The following SPTLC1 variants were observed in gnomAD, a reference collection of about 807,000 sequenced individuals.
SPTLC1 encodes serine palmitoyltransferase long chain base subunit 1.
A neutral mutation model predicts 68.9 loss-of-function variants in SPTLC1; 55 were observed. The ratio of observed to expected loss-of-function variants is 0.80; its 90% CI spans 0.64 to 1.00. The LOEUF (loss-of-function observed/expected upper bound fraction) is 1.00, where lower values mean the gene tolerates loss of function less well. SPTLC1 is among the 50% of genes least tolerant of loss of function. The pLI, the probability that SPTLC1 is intolerant of heterozygous loss-of-function variation, is 0.00. For missense variants in SPTLC1, 449 were observed against 573.1 expected (o/e 0.78, Z 2.21); for synonymous variants, 197 against 201.6 (o/e 0.98, Z 0.19).
At chr9:92,038,040 AG>A (rs1359029114) in intron 13 of SPTLC1, among the ~76,000 whole-genome samples, 1 of 152,220 alleles carries the variant, frequency 6.6e-6, no homozygotes, top group Non-Finnish European at 1.5e-5. Context: ...ACCCAATGGG[AG>A]GGCCTGCTGC....
At chr9:92,077,334 A>C (rs920241583) in intron 5 of SPTLC1, among the ~76,000 whole-genome samples, 1 of 152,138 alleles carries the variant, frequency 6.6e-6, no homozygotes, top group Non-Finnish European at 1.5e-5. Context: ...ATACCCAGCC[A>C]TATAAAGACA....
intron 2 of SPTLC1, chr9:92,111,591 T>C (rs1451837335): frequency 1.3e-5 from 2 of 152,266 alleles, no homozygotes; most frequent in Middle Eastern, 3.4e-3. Flanking sequence ...AGCCCCCTAA[T>C]AGAATATATA....
rs531033514 is a variant in SPTLC1, at chr9:92,032,237, T to C, written c.*228A>G. Reference sequence around the variant, plus strand: ...ACATCAGTTATACACTGTCATTAGTTTTCCTCTTAAAAAAATCAGTTCCTG... The same window carrying C: ...ACATCAGTTATACACTGTCATTAGTCTTCCTCTTAAAAAAATCAGTTCCTG... On this transcript the variant is annotated 3_prime_UTR_variant, in exon 15 of 15. Transcript: ENST00000262554. 2.7e-6 allele frequency: 4 copies of C among 1,490,676 alleles called. No individual in the cohort carries two copies. The highest frequency in any genetic ancestry group is 4.9e-5 in the East Asian group (2 of 40,644). The allele number at this position is 1,490,676 out of a possible 1,614,324, so 92.3% of individuals were successfully genotyped here. A position where few individuals can be genotyped will look rare whatever the true frequency, so the allele number is the denominator to read the frequency against.
At chr9:92,114,917 T>C (rs1290109704) in intron 1 of SPTLC1, 8 of 256,270 alleles carry the variant, frequency 3.1e-5, no homozygotes, top group Non-Finnish European at 6.2e-5. Flanking sequence ...CCCAACGAAC[T>C]GTACCGTAGT....
intron 6 of SPTLC1, among the ~76,000 whole-genome samples, chr9:92,062,150 T>G (rs1834128603): frequency 6.6e-6 from 1 of 152,056 alleles, no homozygotes; most frequent in East Asian, 1.9e-4. Flanking sequence ...TACACACAAC[T>G]ATGTAATATA....
chr9:92,105,357 T>C, intron 3 of SPTLC1: 1 of 1,519,366 alleles, frequency 6.6e-7, no homozygotes, highest in Non-Finnish European at 8.8e-7. Context: ...AACATGAGGT[T>C]GTTAAGTAGA....
Position 92,068,031 on chromosome 9 carries a change from T to C in SPTLC1, c.495A>G (p.Ser165=). The part of the protein sequence containing the change: ...FMKTEEAIIY[S]YGFATIASAI... The stretch of plus-strand genomic sequence containing the variant: ...CACTGGCTATGGTGGCAAATCCATA[T>C]GAGTATATAATGGCTTCTTCTGTCT... Residue 165 remains serine, a synonymous_variant, in exon 6 of 15, where the codon TCA becomes TCG. Coordinates refer to ENST00000262554, the MANE Select transcript of SPTLC1 (RefSeq NM_006415.4). The C allele has an allele frequency of 1.2e-6, 2 of 1,612,808 alleles. No homozygotes were observed. Among genetic ancestry groups the C allele is most frequent in the Middle Eastern group, 1.7e-4 (1 of 6,060 alleles).
intron 6 of SPTLC1, among the ~76,000 whole-genome samples, 200 bp downstream of exon 6, chr9:92,067,766 G>C (rs374174369): frequency 1.3e-5 from 2 of 152,322 alleles, no homozygotes; most frequent in African/African-American, 4.8e-5. Context: ...TACCATGGCA[G>C]ATAAATGACT....
chr9:92,080,200 A>G (rs369816854), intron 4 of SPTLC1, 112 bp from the exon 5 acceptor site: 12 of 810,550 alleles, frequency 1.5e-5, no homozygotes, highest in East Asian at 2.7e-5. Flanking sequence ...CAACTCTAAC[A>G]GAATATAAAG....
intron 6 of SPTLC1, among the ~76,000 whole-genome samples, chr9:92,063,249 T>C (rs147096742): frequency 6.2e-4 from 94 of 152,262 alleles, no homozygotes; most frequent in African/African-American, 2.1e-3. Flanking sequence ...GCACCACACA[T>C]GTACATCTGA....
chr9:92,082,084 C>A (rs1186750809), intron 3 of SPTLC1, among the ~76,000 whole-genome samples: 1 of 152,174 alleles, frequency 6.6e-6, no homozygotes, highest in Non-Finnish European at 1.5e-5. Flanking sequence ...AGGGACATCA[C>A]TGACCTCTGT....
At chr9:92,051,232 T>C in intron 8 of SPTLC1, 7 of 983,400 alleles carry the variant, frequency 7.1e-6, no homozygotes, top group Non-Finnish European at 8.5e-6. Flanking sequence ...AAAAACAACA[T>C]ATGGAACCCT....
chr9:92,040,792 G>A (rs1053660048), intron 12 of SPTLC1, among the ~76,000 whole-genome samples: 3 of 151,382 alleles, frequency 2.0e-5, no homozygotes, highest in African/African-American at 4.9e-5. Flanking sequence ...AGAAATACAA[G>A]GCACCTGAGG....
intron 2 of SPTLC1, chr9:92,109,908 G>A (rs1381308992): frequency 2.6e-5 from 4 of 152,432 alleles, no homozygotes; most frequent in Non-Finnish European, 5.9e-5. Context: ...GGGAGGCGGA[G>A]GCTGCGGTGA....
chr9:92,073,419 C>T (rs192663826), intron 5 of SPTLC1, among the ~76,000 whole-genome samples: 37 of 152,324 alleles, frequency 2.4e-4, no homozygotes, highest in Admixed American at 3.9e-4. Flanking sequence ...CAGGCAGGGG[C>T]CCAAGGCATA....
intron 3 of SPTLC1, among the ~76,000 whole-genome samples, chr9:92,096,553 T>C (rs1482809858): frequency 2.0e-5 from 3 of 152,206 alleles, no homozygotes; most frequent in Non-Finnish European, 2.9e-5. Context: ...CTTACATTTA[T>C]GGTCAACTGA....
intron 14 of SPTLC1, 128 bp from the exon 15 acceptor site, chr9:92,032,686 C>T (rs996897557): frequency 8.0e-7 from 1 of 1,244,842 alleles, no homozygotes; most frequent in Non-Finnish European, 1.1e-6. Flanking sequence ...ACCATCCTGG[C>T]TAACACAGTG....
intron 8 of SPTLC1, among the ~76,000 whole-genome samples, chr9:92,054,786 G>A (rs1209843407): frequency 1.3e-5 from 2 of 152,052 alleles, no homozygotes; most frequent in Non-Finnish European, 1.5e-5. Flanking sequence ...GTCTGCGCAC[G>A]CCTATAGTTC....
In SPTLC1 at chr9:92,114,456, C is replaced by T. The variant is rs541642974; in HGVS notation, c.57+858G>A. 8.5e-5 allele frequency among the ~76,000 whole-genome samples: 13 copies of T among 152,232 alleles called. No individual in the cohort carries two copies. In the South Asian group the frequency reaches 2.7e-3, roughly 32 times the overall value. On this transcript the variant is annotated intron_variant, in intron 1 of 14. Transcript: ENST00000262554. ...CTATTCTTCCTTTAAAAGTCTACGG[C>T]CAGGTGCAGTGGCTCAAGCCTATAA...
Sources: allele counts gnomAD v4.1 joint callset (sites outside exome capture counted in the v4.1 genomes callset), GRCh38; gene constraint gnomAD v4.1.1; transcripts MANE v1.5; gene names NCBI Gene and HGNC (gene_info 2026-07-23, HGNC 2026-07-21).